Variants in PCDHGC4 observed in about 807,000 individuals in gnomAD.
The protein encoded by PCDHGC4 is protocadherin gamma subfamily C, 4.
In PCDHGC4, 15 loss-of-function variants were observed where a neutral mutation model predicts 59.7. That is an observed-to-expected ratio of 0.25 (90% CI 0.17 to 0.39). The LOEUF (loss-of-function observed/expected upper bound fraction) is 0.39, where lower values mean the gene tolerates loss of function less well. PCDHGC4 is among the 10% of genes least tolerant of loss of function. The probability of loss-of-function intolerance (pLI) is 1.00; values close to 1 mark genes in which losing one functional copy is unlikely to be tolerated. For missense variants in PCDHGC4, 1,016 were observed against 1,189.5 expected (o/e 0.85, Z 2.15); for synonymous variants, 434 against 481.4 (o/e 0.90, Z 1.29).
At chr5:141,498,881 T>C (rs9686648) in intron 2 of PCDHGC4, among the ~76,000 whole-genome samples, 77,838 of 149,554 alleles carry the variant, frequency 0.52, 20,828 homozygotes, top group African/African-American at 0.65. Flanking sequence ...TGCAGTGAGC[T>C]GAGATCACAC....
At position 141,486,367 on chromosome 5, in the gene PCDHGC4, G is replaced by A; in HGVS notation, c.1194G>A (p.Lys398=). The change falls in exon 1 of 4, where the codon AAG becomes AAA. Residue 398 remains lysine (K), a synonymous_variant. Coordinates refer to ENST00000306593, the MANE Select transcript of PCDHGC4 (RefSeq NM_018928.3). This position sits in a 1 kb window ranked among gnomAD's most constrained non-coding sequence, Gnocchi z 5.0. The part of the protein sequence containing the change: ...RIPDHLPFAL[K]SAFRNQFSLV... Reference sequence around the variant, plus strand: ...CTGACCACTTGCCATTTGCCCTCAAGTCTGCCTTCAGGAACCAGTTCTCCC... The same window carrying A: ...CTGACCACTTGCCATTTGCCCTCAAATCTGCCTTCAGGAACCAGTTCTCCC... 1 of 1,614,148 alleles carries A rather than the reference G, an allele frequency of 6.2e-7. No individual in the cohort carries two copies. Among genetic ancestry groups the A allele is most frequent in the Non-Finnish European group, 8.5e-7 (1 of 1,180,022 alleles).
At position 141,489,425 on chromosome 5, in the gene PCDHGC4, G is replaced by C. The variant is rs779739693; in HGVS notation, c.2442+1810G>C. On this transcript the variant is annotated intron_variant, in intron 1 of 3. Transcript: ENST00000306593. This position sits in a 1 kb window ranked among gnomAD's most constrained non-coding sequence, Gnocchi z 4.5. ...TTAAAGATGACAGATCTGTTGAGCC[G>C]GCGGCTGCAATTGGGCTCTGAGGAG... The C allele has an allele frequency of 4.3e-6, 7 of 1,614,118 alleles. No individual in the cohort carries two copies. The highest frequency in any genetic ancestry group is 1.1e-5 in the South Asian group (1 of 91,070).
intron 2 of PCDHGC4, among the ~76,000 whole-genome samples, chr5:141,500,614 C>T (rs1300242596): frequency 1.3e-5 from 2 of 152,204 alleles, no homozygotes; most frequent in African/African-American, 4.8e-5. Context: ...TATTCCCAGT[C>T]ATACGGTACA....
At position 141,491,290 on chromosome 5, in the gene PCDHGC4, C is replaced by T. The variant is rs747758229; in HGVS notation, c.2443-3517C>T. Reference sequence around the variant, plus strand: ...CAAATCCAGTGACTTCCTCATACACCCTCCTGAGCGTTCAGACCTTACCCT... The same window carrying T: ...CAAATCCAGTGACTTCCTCATACACTCTCCTGAGCGTTCAGACCTTACCCT... On this transcript the variant is annotated intron_variant, in intron 1 of 3. Coordinates refer to ENST00000306593, the MANE Select transcript of PCDHGC4 (RefSeq NM_018928.3). The surrounding 1 kb of genome is among the most constrained non-coding windows in gnomAD (Gnocchi z 6.9). 6.2e-7 allele frequency: 1 copy of T among 1,613,974 alleles called. No homozygotes were observed. Among genetic ancestry groups the T allele is most frequent in the Non-Finnish European group, 8.5e-7 (1 of 1,179,952 alleles).
At chr5:141,502,074 C>G (rs73794927) in intron 2 of PCDHGC4, among the ~76,000 whole-genome samples, 1,657 of 152,272 alleles carry the variant, frequency 0.011, 27 homozygotes, top group African/African-American at 0.037. Flanking sequence ...CCCCCTTCAC[C>G]TGGGGCTGAG....
intron 1 of PCDHGC4, among the ~76,000 whole-genome samples, chr5:141,494,072 C>G (rs2099751672): frequency 6.6e-6 from 1 of 152,160 alleles, no homozygotes; most frequent in Non-Finnish European, 1.5e-5. Flanking sequence ...CTGGATCCCT[C>G]CCCGCTGCAT....
chr5:141,493,440 G>A lies in PCDHGC4; in HGVS notation c.2443-1367G>A, dbSNP rs2099748297. The stretch of plus-strand genomic sequence containing the variant: ...TTTTGCTTCTGCTGGGATGGGGCAA[G>A]GGTGGGGTTCCTTCCCTTTTAGGAC... On this transcript the variant is annotated intron_variant, in intron 1 of 3. Coordinates refer to ENST00000306593, the MANE Select transcript of PCDHGC4 (RefSeq NM_018928.3). The surrounding 1 kb of genome is among the most constrained non-coding windows in gnomAD (Gnocchi z 4.3). Among the ~76,000 whole-genome samples, 1 of 152,208 alleles carries A rather than the reference G, an allele frequency of 6.6e-6. No homozygotes were observed. Among genetic ancestry groups the A allele is most frequent in the African/African-American group, 2.4e-5 (1 of 41,450 alleles).
chr5:141,507,206 G>A (rs1392293998), intron 3 of PCDHGC4: 2 of 152,376 alleles, frequency 1.3e-5, no homozygotes, highest in African/African-American at 4.8e-5. Flanking sequence ...CCAGATCAGG[G>A]TTGCCAGATA....
At position 141,486,038 on chromosome 5, in the gene PCDHGC4, G is replaced by T; in HGVS notation, c.865G>T (p.Val289Leu). The stretch of plus-strand genomic sequence containing the variant: ...TTTCAGTGGTCATACCCCTGATCGT[G>T]TAAGAAACCTCTTTAGCCTGCACCC... Reference protein sequence around the residue: ...FYFSGHTPDRVRNLFSLHPTT... With the variant: ...FYFSGHTPDRLRNLFSLHPTT... The change falls in exon 1 of 4, where the codon GTA (valine) becomes TTA (leucine). Residue 289 changes from valine to leucine, a missense_variant. By Grantham distance (32) the Val-to-Leu change is conservative. Coordinates refer to ENST00000306593, the MANE Select transcript of PCDHGC4 (RefSeq NM_018928.3). This position sits in a 1 kb window ranked among gnomAD's most constrained non-coding sequence, Gnocchi z 5.0. The T allele has an allele frequency of 3.1e-6, 5 of 1,614,184 alleles. No individual in the cohort carries two copies. Among genetic ancestry groups the T allele is most frequent in the Non-Finnish European group, 4.2e-6 (5 of 1,180,018 alleles).
rs1243327893 is a variant in PCDHGC4, at chr5:141,491,671, C to A, written c.2443-3136C>A. 2.5e-6 allele frequency: 4 copies of A among 1,613,366 alleles called. No homozygotes were observed. Among genetic ancestry groups the A allele is most frequent in the Non-Finnish European group, 3.4e-6 (4 of 1,179,808 alleles). On this transcript the variant is annotated intron_variant, in intron 1 of 3. Coordinates refer to ENST00000306593, the MANE Select transcript of PCDHGC4 (RefSeq NM_018928.3). The surrounding 1 kb of genome is among the most constrained non-coding windows in gnomAD (Gnocchi z 6.9). Reference sequence around the variant, plus strand: ...GCTGGAGCCTGACGCCATCCGGTCCCGCTCTAATACGCTGCGGGAGCGGAG... The same window carrying A: ...GCTGGAGCCTGACGCCATCCGGTCCAGCTCTAATACGCTGCGGGAGCGGAG...
intron 3 of PCDHGC4, among the ~76,000 whole-genome samples, chr5:141,507,479 C>T (rs1050741571): frequency 1.3e-5 from 2 of 152,198 alleles, no homozygotes; most frequent in East Asian, 1.9e-4. Flanking sequence ...GACTGCTGGC[C>T]TCCTGAGGCA....
intron 1 of PCDHGC4, among the ~76,000 whole-genome samples, chr5:141,492,490 G>C (rs2099741140): frequency 6.6e-6 from 1 of 152,208 alleles, no homozygotes; most frequent in Non-Finnish European, 1.5e-5. Context: ...CCAGGACCAG[G>C]CGAGGACTCC....
At chr5:141,500,473 T>C (rs911171031) in intron 2 of PCDHGC4, among the ~76,000 whole-genome samples, 10 of 152,132 alleles carry the variant, frequency 6.6e-5, no homozygotes, top group Admixed American at 4.6e-4. Flanking sequence ...CCTCCCAAAG[T>C]GCTGGGATTA....
Position 141,489,779 on chromosome 5 carries a change from T to C in PCDHGC4, c.2442+2164T>C, listed in dbSNP as rs1269302289. 1.9e-6 allele frequency: 3 copies of C among 1,614,168 alleles called. No homozygotes were observed. Among genetic ancestry groups the C allele is most frequent in the Non-Finnish European group, 2.5e-6 (3 of 1,179,996 alleles). On this transcript the variant is annotated intron_variant, in intron 1 of 3. Coordinates refer to ENST00000306593, the MANE Select transcript of PCDHGC4 (RefSeq NM_018928.3). The surrounding 1 kb of genome is among the most constrained non-coding windows in gnomAD (Gnocchi z 4.5). ...CTAAGCCCCAACAGCCACTTCTCTC[T>C]GAATGTGAAGACCCTAAAAGATGGG...
Position 141,487,373 on chromosome 5 carries a change from C to T in PCDHGC4, c.2200C>T (p.Leu734Phe). 2 of 1,614,224 alleles carry T rather than the reference C, an allele frequency of 1.2e-6. No homozygotes were observed. Among genetic ancestry groups the T allele is most frequent in the Non-Finnish European group, 1.7e-6 (2 of 1,180,042 alleles). The change falls in exon 1 of 4, where the codon CTC becomes TTC. Residue 734 changes from leucine (L) to phenylalanine (F), a missense_variant. By Grantham distance (22) the Leu-to-Phe change is conservative (BLOSUM62 0). Transcript: ENST00000306593. This position sits in a 1 kb window ranked among gnomAD's most constrained non-coding sequence, Gnocchi z 5.0. The part of the protein sequence containing the change: ...TCFPAGTCAC[L>F]TRSRRREGLP... ...CTTTCCTGCTGGCACCTGTGCCTGTCTCACCAGATCTCGAAGGAGGGAGGG... is the reference window on the plus strand; with the variant it reads ...CTTTCCTGCTGGCACCTGTGCCTGTTTCACCAGATCTCGAAGGAGGGAGGG...
At position 141,486,765 on chromosome 5, in the gene PCDHGC4, T is replaced by C; in HGVS notation, c.1592T>C (p.Leu531Pro). Residue 531 changes from leucine to proline, a missense_variant, in exon 1 of 4, where the codon CTG becomes CCG. Physicochemically the swap from Leu to Pro is moderately conservative, Grantham distance 98. Transcript: ENST00000306593. This position sits in a 1 kb window ranked among gnomAD's most constrained non-coding sequence, Gnocchi z 5.0. ...TTTGACTATGAGCAAACCCAGACACTGCAGTTTGAGGTGCAGGCCCGGGAT... is the reference window on the plus strand; with the variant it reads ...TTTGACTATGAGCAAACCCAGACACCGCAGTTTGAGGTGCAGGCCCGGGAT... ...RSFDYEQTQT[L>P]QFEVQARDRG... 4 of 1,614,230 alleles carry C rather than the reference T, an allele frequency of 2.5e-6. No individual in the cohort carries two copies. Among genetic ancestry groups the C allele is most frequent in the Non-Finnish European group, 3.4e-6 (4 of 1,180,038 alleles).
intron 2 of PCDHGC4, among the ~76,000 whole-genome samples, chr5:141,504,141 T>C (rs1289360763): frequency 6.6e-6 from 1 of 152,192 alleles, no homozygotes; most frequent in East Asian, 1.9e-4. Flanking sequence ...AACACTCCCC[T>C]GCAAATTGAA....
Position 141,504,677 on chromosome 5 carries a change from T to C in PCDHGC4, c.2502-716T>C, listed in dbSNP as rs552242248. 4.7e-5 allele frequency among the ~76,000 whole-genome samples: 7 copies of C among 147,580 alleles called. No homozygotes were observed. In the East Asian group the frequency reaches 1.5e-3, roughly 31 times the overall value. ...TTTGAGGGCGGGGGGTGGGGGTTCT[T>C]GTAAAATAGGAGGGGCAGGTTCTTC... On this transcript the variant is annotated intron_variant, in intron 2 of 3. Transcript: ENST00000306593.
At position 141,511,256 on chromosome 5, in the gene PCDHGC4, T is replaced by C. The variant is rs1003866304; in HGVS notation, c.*83T>C. On this transcript the variant is annotated 3_prime_UTR_variant, in exon 4 of 4. Transcript: ENST00000306593. ...CTTACCTGCACCCAGGCCTCAGAGT[T>C]TCAGGGCTAACCCCCAGAATACTGG... The C allele has an allele frequency of 1.9e-6, 3 of 1,563,388 alleles. No homozygotes were observed. The highest frequency in any genetic ancestry group is 2.7e-5 in the African/African-American group (2 of 73,508).
Sources: allele counts gnomAD v4.1 joint callset (sites outside exome capture counted in the v4.1 genomes callset), GRCh38; gene constraint gnomAD v4.1.1; non-coding constraint Gnocchi (gnomAD v3.1); transcripts MANE v1.5; gene names NCBI Gene and HGNC (gene_info 2026-07-23, HGNC 2026-07-21).